ITPR2: variants seen among roughly 807,000 people sequenced by gnomAD.
ITPR2 encodes inositol 1,4,5-trisphosphate receptor type 2.
In ITPR2, 207 loss-of-function variants were observed where a neutral mutation model predicts 317.1. That is an observed-to-expected ratio of 0.65 (90% CI 0.58 to 0.73). The LOEUF is 0.73. Ranked by LOEUF, ITPR2 falls within the 30% of genes least tolerant of loss-of-function variation. The pLI is 0.00. For synonymous variants in ITPR2, 1,156 were observed against 1,149.1 expected, an observed-to-expected ratio of 1.01 and a Z score of -0.12; for missense variants, 2,613 against 3,284.0, an observed-to-expected ratio of 0.80 and a Z score of 4.99.
intron 10 of ITPR2, among the ~76,000 whole-genome samples, chr12:26,693,990 C>A (rs1210247265): frequency 6.6e-6 from 1 of 151,960 alleles, no homozygotes; most frequent in Non-Finnish European, 1.5e-5. Context: ...TTGTCCAAGG[C>A]CACACAAGTT....
rs185110616 is a variant in ITPR2 at position 26,726,484 on chromosome 12, T to A, written c.164-719A>T. ...ACATGCTAATGATTTTGTATGCTTG[T>A]GGAATAGATTACAATCTAGAATAAA... On this transcript the variant is annotated intron_variant, in intron 2 of 56. Transcript: ENST00000381340. Among the ~76,000 whole-genome samples, 93 of 152,290 alleles carry A rather than the reference T, an allele frequency of 6.1e-4. 1 individual carries two copies. The highest frequency in any genetic ancestry group is 2.1e-3 in the African/African-American group (88 of 41,558).
intron 45 of ITPR2, among the ~76,000 whole-genome samples, chr12:26,456,768 G>A (rs1191318099): frequency 6.6e-6 from 1 of 152,144 alleles, no homozygotes; most frequent in Admixed American, 6.5e-5. Context: ...CACCACCCGG[G>A]TTCAAGCGAT....
At chr12:26,455,710 A>G (rs1941865184) in intron 45 of ITPR2, among the ~76,000 whole-genome samples, 1 of 152,196 alleles carries the variant, frequency 6.6e-6, no homozygotes. Flanking sequence ...AGAAAAACTC[A>G]TTTGGAAAAA....
intron 21 of ITPR2, among the ~76,000 whole-genome samples, chr12:26,637,298 T>TA (rs535319054): frequency 3.9e-5 from 6 of 152,014 alleles, no homozygotes; most frequent in Non-Finnish European, 8.8e-5. Context: ...AATGTGCCCA[T>TA]AAAAAAATTA....
At chr12:26,489,236 G>T (rs530552012) in intron 39 of ITPR2, among the ~76,000 whole-genome samples, 1 of 152,302 alleles carries the variant, frequency 6.6e-6, no homozygotes, top group African/African-American at 2.4e-5. Flanking sequence ...TAGAGTGTAA[G>T]GGGAAAGAAA....
intron 37 of ITPR2, among the ~76,000 whole-genome samples, chr12:26,540,303 T>G (rs987394276): frequency 2.6e-5 from 4 of 152,210 alleles, no homozygotes; most frequent in African/African-American, 4.8e-5. Context: ...TGATTACAAA[T>G]TAGAATGATA....
In ITPR2 at chr12:26,724,762, T is replaced by C; in HGVS notation, c.280-20A>G. 1 of 1,551,402 alleles carries C rather than the reference T, an allele frequency of 6.4e-7. No homozygotes were observed. Among genetic ancestry groups the C allele is most frequent in the Non-Finnish European group, 8.9e-7 (1 of 1,128,704 alleles). On this transcript the variant is annotated intron_variant, in intron 3 of 56. Coordinates refer to ENST00000381340, the MANE Select transcript of ITPR2 (RefSeq NM_002223.4). ...AGCGTGCTATAAGATGATTATCAAA[T>C]ATTCAGTGTAGAAATATAGTAAACA...
intron 37 of ITPR2, among the ~76,000 whole-genome samples, chr12:26,498,348 T>A (rs1172032575): frequency 6.6e-6 from 1 of 152,218 alleles, no homozygotes; most frequent in Admixed American, 6.5e-5. Flanking sequence ...TACTGTTTCT[T>A]TTTTTAAGAG....
intron 30 of ITPR2, among the ~76,000 whole-genome samples, chr12:26,598,124 A>G (rs1184554591): frequency 6.6e-6 from 1 of 152,218 alleles, no homozygotes; most frequent in Non-Finnish European, 1.5e-5. Flanking sequence ...TGATCATAAC[A>G]CAAAATCCTT....
intron 43 of ITPR2, 63 bp from the exon 44 acceptor site, chr12:26,477,070 G>T: frequency 9.4e-7 from 1 of 1,066,124 alleles, no homozygotes; most frequent in Middle Eastern, 2.1e-4. Context: ...CGATTTCTCT[G>T]CATTTGTTTT....
chr12:26,584,477 T>A (rs1031152600), intron 32 of ITPR2, among the ~76,000 whole-genome samples: 1 of 152,172 alleles, frequency 6.6e-6, no homozygotes, highest in Non-Finnish European at 1.5e-5. Context: ...TGTGTCTGAT[T>A]TTCTCCCCTT....
chr12:26,740,595 C>A (rs1022159228), intron 2 of ITPR2, among the ~76,000 whole-genome samples: 12 of 152,140 alleles, frequency 7.9e-5, no homozygotes, highest in African/African-American at 2.9e-4. Context: ...CTTTTATAGA[C>A]TTCAATAAAA....
At chr12:26,665,527 G>T (rs116824639) in intron 14 of ITPR2, among the ~76,000 whole-genome samples, 2,374 of 152,290 alleles carry the variant, frequency 0.016, 60 homozygotes, top group African/African-American at 0.054. Flanking sequence ...AAAGATGGTA[G>T]CTTCTACCTG....
chr12:26,598,524 A>C (rs1945910339), intron 30 of ITPR2, among the ~76,000 whole-genome samples: 1 of 152,198 alleles, frequency 6.6e-6, no homozygotes. Context: ...CCAATGTATC[A>C]TACTTGCTTC....
At chr12:26,592,720 C>T (rs1349030318) in intron 32 of ITPR2, among the ~76,000 whole-genome samples, 5 of 152,168 alleles carry the variant, frequency 3.3e-5, no homozygotes, top group East Asian at 1.9e-4. Flanking sequence ...TCCAGATTAC[C>T]TTCATCATTT....
At position 26,652,695 on chromosome 12, in the gene ITPR2, G is replaced by A. The variant is rs1947284738; in HGVS notation, c.2740+1281C>T. Reference sequence around the variant, plus strand: ...GCTGGCTGATACAAAGACACAAAGGGTGGCCCCCTTTGCCTTAATTTGTGA... The same window carrying A: ...GCTGGCTGATACAAAGACACAAAGGATGGCCCCCTTTGCCTTAATTTGTGA... On this transcript the variant is annotated intron_variant, in intron 21 of 56. Coordinates refer to ENST00000381340, the MANE Select transcript of ITPR2 (RefSeq NM_002223.4). 1.3e-5 allele frequency among the ~76,000 whole-genome samples: 2 copies of A among 152,166 alleles called. 1 individual carries two copies. Among genetic ancestry groups the A allele is most frequent in the Admixed American group, 1.3e-4 (2 of 15,284 alleles).
At chr12:26,468,159 G>A (rs1168353611) in intron 45 of ITPR2, among the ~76,000 whole-genome samples, 2 of 152,164 alleles carry the variant, frequency 1.3e-5, no homozygotes, top group Non-Finnish European at 2.9e-5. Flanking sequence ...TCTAGGAAAT[G>A]TGTTAGGTAG....
intron 55 of ITPR2, among the ~76,000 whole-genome samples, chr12:26,372,243 CTTTA>C (rs1433463441): frequency 1.3e-5 from 2 of 152,112 alleles, no homozygotes; most frequent in Admixed American, 1.3e-4. Context: ...TTTATTCATC[CTTTA>C]TTTGTGCTCT....
At position 26,509,958 on chromosome 12, in the gene ITPR2, T is replaced by TTGTGTGTGTGTGTGTGTGTG. The variant is rs56063133; in HGVS notation, c.5074-14718_5074-14699dup. 2.3e-3 allele frequency among the ~76,000 whole-genome samples: 121 copies of TTGTGTGTGTGTGTGTGTGTG among 53,258 alleles called. 5 individuals carry two copies. Among genetic ancestry groups the TTGTGTGTGTGTGTGTGTGTG allele is most frequent in the East Asian group, 5.3e-3 (9 of 1,706 alleles). 34.9% of individuals were successfully genotyped at this position (53,258 alleles called of 152,430 possible). ...TTTTGTTAACAAGTAGATAAGGGTT[T>TTGTGTGTGTGTGTGTGTGTG]TGTGTGTGTGTGTGTGTGTGTGTGT... On this transcript the variant is annotated intron_variant, in intron 37 of 56. Coordinates refer to ENST00000381340, the MANE Select transcript of ITPR2 (RefSeq NM_002223.4).
Sources: gnomAD v4.1 joint callset for allele counts (sites outside exome capture counted in the v4.1 genomes callset) on GRCh38, gnomAD v4.1.1 for gene constraint, MANE v1.5 for transcripts, NCBI Gene and HGNC (gene_info 2026-07-23, HGNC 2026-07-21) for gene names.